The following SEPTIN9 variants were observed in gnomAD, a reference collection of about 807,000 sequenced individuals.
SEPTIN9 encodes septin-9.
Under a neutral mutation model 56.6 loss-of-function variants are expected in SEPTIN9, and 13 were observed. The observed-to-expected ratio is 0.23, with a 90% CI of 0.15 to 0.37. SEPTIN9 has a LOEUF of 0.37. Among genes scored for constraint, SEPTIN9 ranks in the 10% least tolerant of loss-of-function variants. The probability of loss-of-function intolerance (pLI) is 1.00; values close to 1 mark genes in which losing one functional copy is unlikely to be tolerated. For missense variants in SEPTIN9, 650 were observed against 823.1 expected (o/e 0.79, Z 2.57); for synonymous variants, 332 against 334.1 (o/e 0.99, Z 0.07).
At chr17:77,485,330 G>A (rs1482162487) in intron 4 of SEPTIN9, among the ~76,000 whole-genome samples, 2 of 125,072 alleles carry the variant, frequency 1.6e-5, no homozygotes, top group East Asian at 4.8e-4. Context: ...ATAGTGATGG[G>A]GATGATGGTG....
At chr17:77,452,739 T>C (rs1157781634) in intron 3 of SEPTIN9, among the ~76,000 whole-genome samples, 1 of 151,860 alleles carries the variant, frequency 6.6e-6, no homozygotes, top group Non-Finnish European at 1.5e-5. Flanking sequence ...TCCTCCTCCA[T>C]TCATTGCCAC....
In SEPTIN9 at chr17:77,384,700, G is replaced by A. The variant is rs977821289; in HGVS notation, c.77-17359G>A. ...CAGAAATGATTCTCCTGAACAGTCC[G>A]AGCCAAGAATGACATATCTGGAATC... is the stretch of plus-strand genomic sequence containing the variant. On this transcript the variant is annotated intron_variant, in intron 2 of 11. Coordinates refer to ENST00000427177, the MANE Select transcript of SEPTIN9 (RefSeq NM_001113491.2). Among the ~76,000 whole-genome samples, 6 of 152,018 alleles carry A rather than the reference G, an allele frequency of 3.9e-5. No homozygotes were observed. The South Asian group carries it at 1.0e-3, about 26-fold the overall frequency.
intron 3 of SEPTIN9, chr17:77,466,579 C>T (rs1325088300): frequency 1.3e-5 from 13 of 985,614 alleles, no homozygotes; most frequent in Non-Finnish European, 1.6e-5. Flanking sequence ...ACCCCAGGCC[C>T]TGGGTCCTCG....
chr17:77,301,579 G>A (rs1275548688), intron 1 of SEPTIN9, among the ~76,000 whole-genome samples: 1 of 151,992 alleles, frequency 6.6e-6, no homozygotes, highest in African/African-American at 2.4e-5. Context: ...CATGCAGGCT[G>A]ATTTTGTATT....
chr17:77,361,268 A>C (rs137994966), intron 2 of SEPTIN9, among the ~76,000 whole-genome samples: 1 of 152,128 alleles, frequency 6.6e-6, no homozygotes, highest in Non-Finnish European at 1.5e-5. Context: ...AGATTTGCCT[A>C]CTGATGTCTG....
intron 3 of SEPTIN9, among the ~76,000 whole-genome samples, chr17:77,417,333 C>T (rs1027280631): frequency 3.3e-5 from 5 of 152,080 alleles, no homozygotes; most frequent in African/African-American, 4.8e-5. Flanking sequence ...ACGAGTTGCA[C>T]GAGGTAATTA....
chr17:77,377,473 C>T lies in SEPTIN9; in HGVS notation c.77-24586C>T, dbSNP rs112692413. On this transcript the variant is annotated intron_variant, in intron 2 of 11. Transcript: ENST00000427177. The stretch of plus-strand genomic sequence containing the variant: ...GTTTGCTGTAACCAGATTTGCACAC[C>T]GAGAAAGAATCCAAAAGTCCTTGAT... Among the ~76,000 whole-genome samples the T allele has an allele frequency of 7.1e-3, 1,081 of 152,256 alleles. 8 individuals are homozygous for T. Among genetic ancestry groups the T allele is most frequent in the African/African-American group, 0.024 (1,011 of 41,528 alleles).
chr17:77,399,796 A>AT (rs1252604249), intron 2 of SEPTIN9, among the ~76,000 whole-genome samples: 3 of 152,000 alleles, frequency 2.0e-5, no homozygotes, highest in Non-Finnish European at 2.9e-5. Context: ...AGCAGTTTGC[A>AT]TGCAGGGTGC....
intron 3 of SEPTIN9, among the ~76,000 whole-genome samples, chr17:77,473,949 C>G: frequency 6.6e-6 from 1 of 152,248 alleles, no homozygotes; most frequent in East Asian, 1.9e-4. Flanking sequence ...GCAGTTCTTT[C>G]TCTGAGGTCT....
At chr17:77,356,111 G>A (rs965459028) in intron 2 of SEPTIN9, among the ~76,000 whole-genome samples, 12 of 152,156 alleles carry the variant, frequency 7.9e-5, no homozygotes, top group African/African-American at 2.9e-4. Context: ...GGAGACCAGG[G>A]CTGCCCTCTC....
In SEPTIN9 at chr17:77,316,181, G is replaced by T. The variant is rs531281860; in HGVS notation, c.76+8984G>T. On this transcript the variant is annotated intron_variant, in intron 2 of 11. Transcript: ENST00000427177. ...GGGACCGCGGGGGATCCACCGCAGG[G>T]GCCTGGGTCTGCACTGGCCTGGTGA... Among the ~76,000 whole-genome samples the T allele has an allele frequency of 9.8e-5, 15 of 152,296 alleles. No individual in the cohort carries two copies. In the East Asian group the frequency reaches 2.9e-3, roughly 29 times the overall value.
intron 1 of SEPTIN9, among the ~76,000 whole-genome samples, chr17:77,294,103 CA>C (rs376507344): frequency 2.1e-3 from 243 of 115,898 alleles, no homozygotes; most frequent in African/African-American, 7.6e-3. Flanking sequence ...GACCATGTCT[CA>C]AAAAAAAAAA....
At position 77,380,782 on chromosome 17, in the gene SEPTIN9, CCT is replaced by C. The variant is rs563610048; in HGVS notation, c.77-21276_77-21275del. Among the ~76,000 whole-genome samples the C allele has an allele frequency of 6.6e-5, 10 of 152,352 alleles. No homozygotes were observed. The South Asian group carries it at 2.1e-3, about 32-fold the overall frequency. The stretch of plus-strand genomic sequence containing the variant: ...GAGGGGGGCAGTTACCCCACATCCC[CCT>C]GTCTGCTAGGGGCACCCCCAGGGAC... On this transcript the variant is annotated intron_variant, in intron 2 of 11. Coordinates refer to ENST00000427177, the MANE Select transcript of SEPTIN9 (RefSeq NM_001113491.2).
chr17:77,485,488 G>C (rs1468548539), intron 4 of SEPTIN9, among the ~76,000 whole-genome samples: 3 of 151,666 alleles, frequency 2.0e-5, no homozygotes, highest in Non-Finnish European at 4.4e-5. Flanking sequence ...TAATAGCAGT[G>C]ATGGTATTGT....
Position 77,451,333 on chromosome 17 carries a change from T to G in SEPTIN9, c.722-30811T>G. The G allele has an allele frequency of 1.0e-6, 1 of 984,320 alleles. No individual in the cohort carries two copies. The highest frequency in any genetic ancestry group is 1.2e-6 in the Non-Finnish European group (1 of 828,640). 61.0% of individuals were successfully genotyped at this position (984,320 alleles called of 1,614,324 possible). On this transcript the variant is annotated intron_variant, in intron 3 of 11. Coordinates refer to ENST00000427177, the MANE Select transcript of SEPTIN9 (RefSeq NM_001113491.2). The surrounding 1 kb of genome is among the most constrained non-coding windows in gnomAD (Gnocchi z 4.2). ...CTCCTGCTCCCCTCGCCCTGCCCCC[T>G]TGGAGCAATTCCCCACCGAGCCTCC...
Position 77,326,255 on chromosome 17 carries a change from C to T in SEPTIN9, c.76+19058C>T, listed in dbSNP as rs973953036. ...CATTGGGTGCTCCCTGTGGACTTGG[C>T]GCTGGGGTCCCGTGGAGGACAAAGC... On this transcript the variant is annotated intron_variant, in intron 2 of 11. Transcript: ENST00000427177. This position sits in a 1 kb window ranked among gnomAD's most constrained non-coding sequence, Gnocchi z 5.1. 5.9e-5 allele frequency among the ~76,000 whole-genome samples: 9 copies of T among 152,238 alleles called. No individual in the cohort carries two copies. Among genetic ancestry groups the T allele is most frequent in the East Asian group, 3.8e-4 (2 of 5,202 alleles).
At position 77,451,300 on chromosome 17, in the gene SEPTIN9, G is replaced by T; in HGVS notation, c.722-30844G>T. 2 of 923,032 alleles carry T rather than the reference G, an allele frequency of 2.2e-6. No individual in the cohort carries two copies. The highest frequency in any genetic ancestry group is 2.6e-6 in the Non-Finnish European group (2 of 772,744). The allele number at this position is 923,032 out of a possible 1,614,324, so 57.2% of individuals were successfully genotyped here. On this transcript the variant is annotated intron_variant, in intron 3 of 11. Transcript: ENST00000427177. This position sits in a 1 kb window ranked among gnomAD's most constrained non-coding sequence, Gnocchi z 4.2. ...CCGCTGGGCGCCCCTATCTCTGCCT[G>T]CCCCCTCCTCCTGCTCCCCTCGCCC...
intron 2 of SEPTIN9, among the ~76,000 whole-genome samples, chr17:77,364,250 G>A (rs1568015445): frequency 6.6e-6 from 1 of 152,272 alleles, no homozygotes; most frequent in Admixed American, 6.5e-5. Context: ...GGCAGGCCAA[G>A]AGCGCGAGCC....
At position 77,476,020 on chromosome 17, in the gene SEPTIN9, G is replaced by C; in HGVS notation, c.722-6124G>C. 1 of 1,122,840 alleles carries C rather than the reference G, an allele frequency of 8.9e-7. No homozygotes were observed. The highest frequency in any genetic ancestry group is 1.3e-6 in the Non-Finnish European group (1 of 781,288). The allele number at this position is 1,122,840 out of a possible 1,614,324, so 69.6% of individuals were successfully genotyped here. ...CTGAGCACTTTGTCCTGGGGTGCAG[G>C]CCCGGCTGTCACTCCCCTGGAGCTG... On this transcript the variant is annotated intron_variant, in intron 3 of 11. Transcript: ENST00000427177. The surrounding 1 kb of genome is among the most constrained non-coding windows in gnomAD (Gnocchi z 6.0).
Sources: allele counts gnomAD v4.1 joint callset (sites outside exome capture counted in the v4.1 genomes callset), GRCh38; gene constraint gnomAD v4.1.1; non-coding constraint Gnocchi (gnomAD v3.1); transcripts MANE v1.5; gene names NCBI Gene and HGNC (gene_info 2026-07-23, HGNC 2026-07-21).